Variants in MELK observed in about 807,000 individuals in gnomAD.
MELK encodes pEg3 kinase.
A neutral mutation model predicts 85.0 loss-of-function variants in MELK; 81 were observed. The ratio of observed to expected loss-of-function variants is 0.95; its 90% confidence interval spans 0.80 to 1.15. MELK has a LOEUF of 1.15. MELK is among the 50% of genes most tolerant of loss of function. MELK has a pLI of 0.00. For missense variants in MELK, 754 were observed against 777.5 expected (o/e 0.97, Z 0.36); for synonymous variants, 252 against 265.0 (o/e 0.95, Z 0.48).
At chr9:36,634,042 TG>T (rs1279623973) in intron 10 of MELK, among the ~76,000 whole-genome samples, 2 of 152,266 alleles carry the variant, frequency 1.3e-5, no homozygotes, top group African/African-American at 4.8e-5. Context: ...TTCTGTCCAT[TG>T]GATCTTTTCC....
chr9:36,625,281 C>A (rs1169651914), intron 8 of MELK, among the ~76,000 whole-genome samples: 1 of 152,120 alleles, frequency 6.6e-6, no homozygotes, highest in African/African-American at 2.4e-5. Flanking sequence ...CTCTATGGGA[C>A]CCTGGCAAGA....
intron 12 of MELK, 146 bp from the exon 13 acceptor site, chr9:36,657,095 G>A (rs1436640348): frequency 1.0e-6 from 1 of 957,952 alleles, no homozygotes; most frequent in African/African-American, 1.7e-5. Flanking sequence ...GTTTGTGTAA[G>A]TACATTTTAT....
At chr9:36,632,236 C>T (rs1052407762) in intron 9 of MELK, among the ~76,000 whole-genome samples, 3 of 152,106 alleles carry the variant, frequency 2.0e-5, no homozygotes, top group Non-Finnish European at 2.9e-5. Context: ...ACTTTGAGAA[C>T]CACAGATTTA....
chr9:36,591,399 C>T (rs1053397460), intron 4 of MELK, among the ~76,000 whole-genome samples: 1 of 151,772 alleles, frequency 6.6e-6, no homozygotes, highest in Admixed American at 6.6e-5. Context: ...ATGGGAAAAC[C>T]GCATTTCTAC....
chr9:36,625,072 A>G (rs746117002), intron 8 of MELK, among the ~76,000 whole-genome samples: 4 of 152,200 alleles, frequency 2.6e-5, no homozygotes, highest in African/African-American at 9.7e-5. Flanking sequence ...TTGGAGGGAT[A>G]CTGTTCAACC....
At chr9:36,593,463 A>G (rs1823850073) in intron 4 of MELK, among the ~76,000 whole-genome samples, 1 of 152,186 alleles carries the variant, frequency 6.6e-6, no homozygotes, top group Admixed American at 6.5e-5. Context: ...TGTGAGCAAC[A>G]GAACCTCACT....
intron 10 of MELK, among the ~76,000 whole-genome samples, chr9:36,642,418 CTTTTTTTTTTT>C (rs34671966): frequency 0.042 from 3,571 of 84,854 alleles, 196 homozygotes; most frequent in African/African-American, 0.17. Flanking sequence ...TACAACAGAA[CTTTTTTTTTTT>C]TTTTTTTTTT....
At chr9:36,654,823 TG>T (rs1426921290) in intron 12 of MELK, among the ~76,000 whole-genome samples, 1 of 152,262 alleles carries the variant, frequency 6.6e-6, no homozygotes, top group African/African-American at 2.4e-5. Flanking sequence ...ATCAATTTTA[TG>T]GCAGATCAAG....
At chr9:36,625,502 A>G (rs1295919894) in intron 8 of MELK, among the ~76,000 whole-genome samples, 1 of 151,644 alleles carries the variant, frequency 6.6e-6, no homozygotes, top group Non-Finnish European at 1.5e-5. Context: ...AGCATCTAAA[A>G]CCCCTCCTTC....
At chr9:36,592,037 A>G (rs1370528428) in intron 4 of MELK, among the ~76,000 whole-genome samples, 2 of 152,084 alleles carry the variant, frequency 1.3e-5, no homozygotes, top group East Asian at 3.9e-4. Context: ...TGTTAATAGA[A>G]ATGGGGGTCT....
chr9:36,666,976 C>T (rs551829499), intron 14 of MELK, among the ~76,000 whole-genome samples: 1 of 151,202 alleles, frequency 6.6e-6, no homozygotes, highest in Non-Finnish European at 1.5e-5. Flanking sequence ...GAGATAGCCT[C>T]TACCCTGCAA....
chr9:36,589,381 C>T (rs1396345877), intron 3 of MELK, among the ~76,000 whole-genome samples, 155 bp from the exon 4 acceptor site: 1 of 152,088 alleles, frequency 6.6e-6, no homozygotes, highest in African/African-American at 2.4e-5. Flanking sequence ...ATTTCCTGAC[C>T]TCATGATCCG....
intron 8 of MELK, among the ~76,000 whole-genome samples, chr9:36,616,793 A>G (rs1409697305): frequency 2.1e-5 from 3 of 141,402 alleles, no homozygotes; most frequent in Non-Finnish European, 4.7e-5. Flanking sequence ...TTATATTTAT[A>G]TATTTTCTCT....
chr9:36,617,955 G>T (rs1027354076), intron 8 of MELK, among the ~76,000 whole-genome samples: 1 of 151,652 alleles, frequency 6.6e-6, no homozygotes, highest in Non-Finnish European at 1.5e-5. Flanking sequence ...GTGAGACTCC[G>T]TCTCTACAAA....
At chr9:36,620,248 G>A (rs1827265088) in intron 8 of MELK, among the ~76,000 whole-genome samples, 1 of 152,124 alleles carries the variant, frequency 6.6e-6, no homozygotes, top group Non-Finnish European at 1.5e-5. Flanking sequence ...CCCCTCCCAA[G>A]CATCTTTTTA....
intron 8 of MELK, among the ~76,000 whole-genome samples, chr9:36,608,553 C>T (rs999925909): frequency 6.6e-6 from 1 of 151,652 alleles, no homozygotes; most frequent in Non-Finnish European, 1.5e-5. Flanking sequence ...TTTGAAAACT[C>T]ATTGAGGTGT....
Position 36,659,204 on chromosome 9 carries a change from T to A in MELK, c.1176+1841T>A, listed in dbSNP as rs533142509. ...CCTTTTTTTTGTGTTTTTGTAAAGA[T>A]GGGGTTTCACCATATTGGCCAGGCT... On this transcript the variant is annotated intron_variant, in intron 13 of 17. Transcript: ENST00000298048. 7.5e-4 allele frequency among the ~76,000 whole-genome samples: 114 copies of A among 152,120 alleles called. 2 individuals carry two copies. The highest frequency in any genetic ancestry group is 1.4e-3 in the Admixed American group (22 of 15,270).
At chr9:36,596,474 G>A (rs1227113145) in intron 5 of MELK, among the ~76,000 whole-genome samples, 1 of 151,222 alleles carries the variant, frequency 6.6e-6, no homozygotes, top group African/African-American at 2.4e-5. Context: ...AGCCAGGATG[G>A]TCTTGATCTC....
rs745507803 is a variant in MELK, at chr9:36,594,760, G to A, written c.394G>A (p.Asp132Asn). 2.1e-5 allele frequency: 34 copies of A among 1,613,392 alleles called. No individual in the cohort carries two copies. The highest frequency in any genetic ancestry group is 2.7e-5 in the Non-Finnish European group (32 of 1,179,860). The change falls in exon 5 of 18, where the codon GAC becomes AAC. Residue 132 changes from aspartate to asparagine, a missense_variant. Asp to Asn is a conservative substitution (Grantham distance 23). Transcript: ENST00000298048. The part of the protein sequence containing the change: ...YVHSQGYAHR[D>N]LKPENLLFDE... ...GCACAGCCAGGGCTATGCTCACAGG[G>A]ACCTCAAGCCAGTAAGTGACTGCAT... is the stretch of plus-strand genomic sequence containing the variant.
Sources: gnomAD v4.1 joint callset for allele counts (sites outside exome capture counted in the v4.1 genomes callset) on GRCh38, gnomAD v4.1.1 for gene constraint, MANE v1.5 for transcripts, NCBI Gene and HGNC (gene_info 2026-07-23, HGNC 2026-07-21) for gene names.